DEPDC1: variants seen among roughly 807,000 people sequenced by gnomAD.
DEPDC1 encodes the protein DEP domain-containing protein 1A.
A neutral mutation model predicts 86.8 loss-of-function variants in DEPDC1; 66 were observed. That is an observed-to-expected ratio of 0.76 (90% confidence interval 0.62 to 0.93). The LOEUF is 0.93. Among genes scored for constraint, DEPDC1 ranks in the 40% least tolerant of loss-of-function variants. DEPDC1 has a pLI of 0.00. For missense variants in DEPDC1, 792 were observed against 935.7 expected (o/e 0.85, Z 2.00); for synonymous variants, 255 against 314.9 (o/e 0.81, Z 2.02).
intron 2 of DEPDC1, among the ~76,000 whole-genome samples, 173 bp downstream of exon 2, chr1:68,494,257 T>A (rs1646248536): frequency 6.6e-6 from 1 of 152,240 alleles, no homozygotes; most frequent in South Asian, 2.1e-4. Flanking sequence ...TTTGTAGCAA[T>A]TAACTTTCAC....
At chr1:68,492,405 G>T (rs1379959748) in intron 2 of DEPDC1, among the ~76,000 whole-genome samples, 1 of 151,708 alleles carries the variant, frequency 6.6e-6, no homozygotes, top group Non-Finnish European at 1.5e-5. Context: ...GTTTTGTTAC[G>T]ATCGTAAAAG....
At position 68,489,541 on chromosome 1, in the gene DEPDC1, C is replaced by T. The variant is rs1322888429; in HGVS notation, c.382G>A (p.Glu128Lys). 20 of 1,541,076 alleles carry T rather than the reference C, an allele frequency of 1.3e-5. No individual in the cohort carries two copies. Among genetic ancestry groups the T allele is most frequent in the South Asian group, 7.7e-5 (6 of 77,502 alleles). ...CTATCTTTATCTTTGGAAAAGTTCTCTATGTTGTTTTTTCTCAATTCTGGA... is the reference window on the plus strand; with the variant it reads ...CTATCTTTATCTTTGGAAAAGTTCTTTATGTTGTTTTTTCTCAATTCTGGA... ...RYPELRKNNIENFSKDKDSIF... is the reference protein window; with the variant it reads ...RYPELRKNNIKNFSKDKDSIF... The change falls in exon 3 of 12, where the codon GAG (glutamate) becomes AAG (lysine). Residue 128 changes from glutamate to lysine, a missense_variant. Glu to Lys is a moderately conservative substitution (Grantham distance 56, BLOSUM62 1). Coordinates refer to ENST00000456315, the MANE Select transcript of DEPDC1 (RefSeq NM_001114120.3).
intron 7 of DEPDC1, chr1:68,483,536 G>A (rs549753307): frequency 2.2e-5 from 7 of 322,416 alleles, no homozygotes; most frequent in African/African-American, 1.6e-4. Context: ...TGCAGGCTGA[G>A]GGAGTTTTCT....
At chr1:68,484,564 C>A (rs1451907614) in intron 6 of DEPDC1, among the ~76,000 whole-genome samples, 1 of 151,936 alleles carries the variant, frequency 6.6e-6, no homozygotes, top group African/African-American at 2.4e-5. Context: ...TTGAAATAAT[C>A]ATACCTACTC....
In DEPDC1 at chr1:68,497,079, G is replaced by A; in HGVS notation, c.-80C>T. The A allele has an allele frequency of 6.6e-7, 1 of 1,505,778 alleles. No homozygotes were observed. Among genetic ancestry groups the A allele is most frequent in the Non-Finnish European group, 9.2e-7 (1 of 1,089,296 alleles). 93.3% of individuals were successfully genotyped at this position (1,505,778 alleles called of 1,614,324 possible). On this transcript the variant is annotated 5_prime_UTR_variant, in exon 1 of 12. Transcript: ENST00000456315. Reference sequence around the variant, plus strand: ...GCGGCCGCGGCAGTGGCGAGTCTCGGCACAACCGTTGGCCCCGCCGCCGAT... The same window carrying A: ...GCGGCCGCGGCAGTGGCGAGTCTCGACACAACCGTTGGCCCCGCCGCCGAT...
intron 8 of DEPDC1, 172 bp from the exon 9 acceptor site, chr1:68,481,784 T>C: frequency 3.1e-6 from 2 of 646,038 alleles, no homozygotes; most frequent in East Asian, 5.8e-5. Context: ...TTATTTTCTT[T>C]ACAACTTATT....
At chr1:68,489,842 G>C (rs546680820) in intron 2 of DEPDC1, among the ~76,000 whole-genome samples, 1 of 151,700 alleles carries the variant, frequency 6.6e-6, no homozygotes, top group East Asian at 1.9e-4. Flanking sequence ...TTATTATTAG[G>C]GTCAATTCTG....
rs997042000 is a variant in DEPDC1, at chr1:68,497,050, C to T, written c.-51G>A. The T allele has an allele frequency of 6.3e-7, 1 of 1,599,182 alleles. No homozygotes were observed. The highest frequency in any genetic ancestry group is 1.7e-5 in the Admixed American group (1 of 59,554). The stretch of plus-strand genomic sequence containing the variant: ...CATGGCGGCGAAGGCGACACTCAGG[C>T]CCAGCGGCCGCGGCAGTGGCGAGTC... On this transcript the variant is annotated 5_prime_UTR_variant, in exon 1 of 12. Coordinates refer to ENST00000456315, the MANE Select transcript of DEPDC1 (RefSeq NM_001114120.3).
intron 9 of DEPDC1, among the ~76,000 whole-genome samples, chr1:68,481,148 A>G (rs756813470): frequency 2.6e-5 from 4 of 152,024 alleles, no homozygotes; most frequent in Non-Finnish European, 5.9e-5. Context: ...CAGAATTGGC[A>G]CAAGGCAACA....
chr1:68,478,712 T>C (rs993610744), intron 10 of DEPDC1, among the ~76,000 whole-genome samples: 1 of 152,050 alleles, frequency 6.6e-6, no homozygotes, highest in Non-Finnish European at 1.5e-5. Context: ...GAAGAATAAA[T>C]TCTCCTTTGT....
At position 68,488,984 on chromosome 1, in the gene DEPDC1, A is replaced by G. The variant is rs1646211554; in HGVS notation, c.522T>C (p.Asn174=). Reference sequence around the variant, plus strand: ...GGCTTAGTTCTCTATTATCAATTGCATTTTCTTGATCTTCATTGATTATTT... The same window carrying G: ...GGCTTAGTTCTCTATTATCAATTGCGTTTTCTTGATCTTCATTGATTATTT... The part of the protein sequence containing the change: ...KHEIINEDQE[N]AIDNRELSQE... Residue 174 remains asparagine, a synonymous_variant, in exon 4 of 12, where the codon AAT becomes AAC. Transcript: ENST00000456315. The G allele has an allele frequency of 1.2e-6, 2 of 1,606,670 alleles. No homozygotes were observed. Among genetic ancestry groups the G allele is most frequent in the East Asian group, 2.2e-5 (1 of 44,630 alleles).
At position 68,482,525 on chromosome 1, in the gene DEPDC1, T is replaced by A. The variant is rs767093012; in HGVS notation, c.1283A>T (p.Asp428Val). 1 of 1,613,162 alleles carries A rather than the reference T, an allele frequency of 6.2e-7. No individual in the cohort carries two copies. Among genetic ancestry groups the A allele is most frequent in the Non-Finnish European group, 8.5e-7 (1 of 1,179,344 alleles). The change falls in exon 8 of 12, where the codon GAT (aspartate) becomes GTT (valine). Residue 428 changes from aspartate (D) to valine (V), a missense_variant. Transcript: ENST00000456315. ...CTCTTTACTTGAATTCCCTGGCACA[T>A]CTACAATTCCTTCCAAAGAACAGCA... ...PRCCSLEGIV[D>V]VPGNSSKEAS... is the part of the protein sequence containing the mutation.
chr1:68,492,253 T>C (rs371370339), intron 2 of DEPDC1, among the ~76,000 whole-genome samples: 21 of 152,328 alleles, frequency 1.4e-4, no homozygotes, highest in African/African-American at 4.6e-4. Context: ...TTGGGAGGAA[T>C]TGACTTGTAT....
chr1:68,486,261 C>G (rs1469573609), intron 6 of DEPDC1, among the ~76,000 whole-genome samples: 1 of 151,888 alleles, frequency 6.6e-6, no homozygotes, highest in East Asian at 1.9e-4. Flanking sequence ...AGTGAGTTAT[C>G]ACAAGATCTG....
rs766492875 is a variant in DEPDC1, at chr1:68,486,896, AC to A, written c.769+40del. 16 of 1,475,380 alleles carry A rather than the reference AC, an allele frequency of 1.1e-5. No homozygotes were observed. In the East Asian group the frequency reaches 1.3e-4, roughly 12 times the overall value. 91.4% of individuals were successfully genotyped at this position (1,475,380 alleles called of 1,614,324 possible). A position where few individuals can be genotyped will look rare whatever the true frequency, so the allele number is the denominator to read the frequency against. On this transcript the variant is annotated intron_variant, in intron 6 of 11. Transcript: ENST00000456315. Reference sequence around the variant, plus strand: ...CTATCAATATAACACACACACACACACACACACACACACACACACACACACA... The same window carrying A: ...CTATCAATATAACACACACACACACAACACACACACACACACACACACACA...
chr1:68,479,161 A>G lies in DEPDC1; in HGVS notation c.2095T>C (p.Tyr699His), dbSNP rs1433601360. The change falls in exon 10 of 12, where the codon TAC (tyrosine) becomes CAC (histidine). Residue 699 changes from tyrosine (Y) to histidine (H), a missense_variant. Coordinates refer to ENST00000456315, the MANE Select transcript of DEPDC1 (RefSeq NM_001114120.3). The stretch of plus-strand genomic sequence containing the variant: ...ATACTTACATGTCCCTTTTTTAAGT[A>G]GTCAAGATGTTTTTCCACTGCAGTC... ...LQTAVEKHLD[Y>H]LKKGHIENPG... is the part of the protein sequence containing the mutation. 1.2e-6 allele frequency: 2 copies of G among 1,607,754 alleles called. No individual in the cohort carries two copies. Among genetic ancestry groups the G allele is most frequent in the South Asian group, 1.1e-5 (1 of 89,936 alleles).
chr1:68,484,090 C>A lies in DEPDC1; in HGVS notation c.770G>T (p.Trp257Leu). Residue 257 changes from tryptophan to leucine, a missense_variant and splice_region_variant, in exon 7 of 12, where the codon TGG (tryptophan) becomes TTG (leucine). Trp to Leu is a moderately conservative substitution (Grantham distance 61, BLOSUM62 -2). Coordinates refer to ENST00000456315, the MANE Select transcript of DEPDC1 (RefSeq NM_001114120.3). ...ATTATTCATATCATTGCTTCTTGGC[C>A]CTAAGAAGTAGAAGGCAAGAGAAAA... ...VLSAMKCLANWPRSNDMNNPT... is the reference protein window; with the variant it reads ...VLSAMKCLANLPRSNDMNNPT... The A allele has an allele frequency of 6.5e-7, 1 of 1,542,110 alleles. No individual in the cohort carries two copies. Among genetic ancestry groups the A allele is most frequent in the Non-Finnish European group, 8.7e-7 (1 of 1,152,466 alleles).
chr1:68,481,173 TG>T (rs1344126438), intron 9 of DEPDC1, among the ~76,000 whole-genome samples: 1 of 151,996 alleles, frequency 6.6e-6, no homozygotes, highest in Non-Finnish European at 1.5e-5. Flanking sequence ...GTGGTCTGAC[TG>T]GTCAATCACT....
At chr1:68,485,190 A>T (rs1250967022) in intron 6 of DEPDC1, among the ~76,000 whole-genome samples, 5 of 142,130 alleles carry the variant, frequency 3.5e-5, no homozygotes, top group African/African-American at 7.8e-5. Flanking sequence ...ACACACACAC[A>T]CTCTTAACAA....
Sources: allele counts gnomAD v4.1 joint callset (sites outside exome capture counted in the v4.1 genomes callset), GRCh38; gene constraint gnomAD v4.1.1; transcripts MANE v1.5; gene names NCBI Gene and HGNC (gene_info 2026-07-23, HGNC 2026-07-21).